The following SCAPER variants were observed in gnomAD, a reference collection of about 807,000 sequenced individuals.
The protein encoded by SCAPER is S-phase cyclin A associated protein in the ER.
A neutral mutation model predicts 182.2 loss-of-function variants in SCAPER; 98 were observed. The ratio of observed to expected loss-of-function variants is 0.54; its 90% CI spans 0.46 to 0.64. SCAPER has a LOEUF of 0.64. Among genes scored for constraint, SCAPER ranks in the 30% least tolerant of loss-of-function variants. SCAPER has a pLI of 0.00. For synonymous variants in SCAPER, 605 were observed against 564.6 expected (o/e 1.07, Z -1.01); for missense variants, 1,432 against 1,690.0 (o/e 0.85, Z 2.68).
intron 20 of SCAPER, among the ~76,000 whole-genome samples, chr15:76,692,696 G>GAAAAAAAAAAAAAAAAAAA (rs71143354): frequency 2.0e-5 from 2 of 98,786 alleles, no homozygotes; most frequent in Non-Finnish European, 2.0e-5. Flanking sequence ...TTCAAAAAAA[G>GAAAAAAAAAAAAAAAAAAA]AAAAAAAAAA....
intron 20 of SCAPER, among the ~76,000 whole-genome samples, chr15:76,691,263 AT>A (rs1412036370): frequency 6.6e-6 from 1 of 151,988 alleles, no homozygotes; most frequent in African/African-American, 2.4e-5. Context: ...TATTAAAGAA[AT>A]TTTCAATACT....
chr15:76,688,204 T>C (rs1413854156), intron 20 of SCAPER, among the ~76,000 whole-genome samples: 2 of 135,874 alleles, frequency 1.5e-5, no homozygotes, highest in Non-Finnish European at 3.2e-5. Context: ...GATGAGCTTT[T>C]CATCATATGT....
Position 76,550,561 on chromosome 15 carries a change from T to C in SCAPER, c.2838+23597A>G, listed in dbSNP as rs576718904. Among the ~76,000 whole-genome samples the C allele has an allele frequency of 4.6e-5, 7 of 152,314 alleles. No homozygotes were observed. The South Asian group carries it at 1.5e-3, about 32-fold the overall frequency. On this transcript the variant is annotated intron_variant, in intron 23 of 31. Coordinates refer to ENST00000563290, the MANE Select transcript of SCAPER (RefSeq NM_020843.4). ...ATGGCTGCATAGTATTCCATGGTGT[T>C]AATGTACCACATTTTCTTTATCCAG...
chr15:76,628,146 G>C (rs947085659), intron 21 of SCAPER, among the ~76,000 whole-genome samples: 1 of 151,694 alleles, frequency 6.6e-6, no homozygotes, highest in African/African-American at 2.4e-5. Context: ...TTTCTTTCTT[G>C]TAAGTTTAAG....
At chr15:76,459,501 T>C (rs1179268297) in intron 25 of SCAPER, among the ~76,000 whole-genome samples, 1 of 151,914 alleles carries the variant, frequency 6.6e-6, no homozygotes, top group East Asian at 1.9e-4. Context: ...ATGTGAAATA[T>C]CTATTCATGT....
intron 19 of SCAPER, 93 bp downstream of exon 19, chr15:76,702,757 C>A (rs377144568): frequency 1.4e-6 from 2 of 1,435,496 alleles, no homozygotes; most frequent in Admixed American, 2.4e-5. Flanking sequence ...CCTGCCTTAG[C>A]GTGAGTTTTA....
chr15:76,520,788 C>G (rs1004671609), intron 23 of SCAPER, among the ~76,000 whole-genome samples: 2 of 152,146 alleles, frequency 1.3e-5, no homozygotes, highest in African/African-American at 4.8e-5. Context: ...AAGTGCTGAT[C>G]AGGAAGTCAA....
intron 17 of SCAPER, among the ~76,000 whole-genome samples, chr15:76,710,799 C>A (rs1386451147): frequency 2.0e-5 from 3 of 151,928 alleles, no homozygotes; most frequent in African/African-American, 7.2e-5. Context: ...TGAAAAAGAA[C>A]AAAGAAGTTG....
At chr15:76,503,204 T>C (rs1378671957) in intron 24 of SCAPER, among the ~76,000 whole-genome samples, 1 of 152,232 alleles carries the variant, frequency 6.6e-6, no homozygotes, top group African/African-American at 2.4e-5. Context: ...ATTTATTATA[T>C]TTCATTCCTT....
chr15:76,573,069 T>C (rs954384049), intron 23 of SCAPER, among the ~76,000 whole-genome samples: 1 of 152,132 alleles, frequency 6.6e-6, no homozygotes, highest in Non-Finnish European at 1.5e-5. Flanking sequence ...CTTAGAACCA[T>C]AACTTTGACT....
At chr15:76,488,749 G>A (rs1399902395) in intron 24 of SCAPER, among the ~76,000 whole-genome samples, 2 of 60,168 alleles carry the variant, frequency 3.3e-5, no homozygotes, top group African/African-American at 6.7e-5. Context: ...TTTTTGAGAC[G>A]GAGTCTCTCT....
intron 22 of SCAPER, among the ~76,000 whole-genome samples, chr15:76,580,642 A>C (rs539954334): frequency 6.9e-4 from 105 of 152,098 alleles, no homozygotes; most frequent in Non-Finnish European, 1.3e-3. Context: ...ACATAACAAG[A>C]CCTATCAGAT....
intron 22 of SCAPER, among the ~76,000 whole-genome samples, chr15:76,578,128 G>C (rs1234246552): frequency 6.6e-6 from 1 of 152,068 alleles, no homozygotes; most frequent in East Asian, 1.9e-4. Context: ...CTATAGAAAG[G>C]GGAGGGAAGA....
chr15:76,674,739 A>T (rs1039573008), intron 20 of SCAPER, among the ~76,000 whole-genome samples: 1 of 152,142 alleles, frequency 6.6e-6, no homozygotes, highest in Non-Finnish European at 1.5e-5. Flanking sequence ...ATAAATTTCT[A>T]TGTTCTTAAA....
In SCAPER at chr15:76,388,678, C is replaced by A. The variant is rs955163385; in HGVS notation, c.3468-7063G>T. 2.0e-5 allele frequency among the ~76,000 whole-genome samples: 3 copies of A among 151,968 alleles called. 1 individual carries two copies. The South Asian group carries it at 6.2e-4, about 32-fold the overall frequency. On this transcript the variant is annotated intron_variant, in intron 27 of 31. Coordinates refer to ENST00000563290, the MANE Select transcript of SCAPER (RefSeq NM_020843.4). ...ATCTACTTTGAAAATTACAGTCAGT[C>A]GGCTGGGCGTGGTGGCTCACGTCTG...
chr15:76,797,486 T>C (rs1460293155), intron 7 of SCAPER: 2 of 152,164 alleles, frequency 1.3e-5, no homozygotes, highest in African/African-American at 4.8e-5. Context: ...GCCACACACA[T>C]ATGCAGGTTG....
At chr15:76,588,798 G>T (rs985873868) in intron 22 of SCAPER, among the ~76,000 whole-genome samples, 3 of 152,040 alleles carry the variant, frequency 2.0e-5, no homozygotes, top group African/African-American at 7.2e-5. Flanking sequence ...GTGATTTTTG[G>T]GGGGGGTGTT....
chr15:76,671,766 T>C (rs961657456), intron 20 of SCAPER, among the ~76,000 whole-genome samples: 75 of 150,612 alleles, frequency 5.0e-4, no homozygotes, highest in Middle Eastern at 3.4e-3. Flanking sequence ...CGAGACTCCG[T>C]TTAAAAAAAA....
At chr15:76,483,927 C>T (rs1243343463) in intron 24 of SCAPER, among the ~76,000 whole-genome samples, 5 of 152,104 alleles carry the variant, frequency 3.3e-5, no homozygotes, top group Admixed American at 3.3e-4. Flanking sequence ...CATTGGAAGA[C>T]AGTTTGGTAG....
Sources: gnomAD v4.1 joint callset for allele counts (sites outside exome capture counted in the v4.1 genomes callset) on GRCh38, gnomAD v4.1.1 for gene constraint, MANE v1.5 for transcripts, NCBI Gene and HGNC (gene_info 2026-07-23, HGNC 2026-07-21) for gene names.